BRF1: variants seen among roughly 807,000 people sequenced by gnomAD.
BRF1 encodes the protein BRF1 general transcription factor IIIB subunit.
In BRF1, 59 loss-of-function variants were observed where a neutral mutation model predicts 81.7. The ratio of observed to expected loss-of-function variants is 0.72; its 90% confidence interval spans 0.59 to 0.90. BRF1 has a LOEUF of 0.90. Ranked by LOEUF, BRF1 falls within the 40% of genes least tolerant of loss-of-function variation. The probability of loss-of-function intolerance (pLI) is 0.00; values close to 1 mark genes in which losing one functional copy is unlikely to be tolerated. For missense variants in BRF1, 1,050 were observed against 936.3 expected, an observed-to-expected ratio of 1.12 and a Z score of -1.58; for synonymous variants, 491 against 395.6, an observed-to-expected ratio of 1.24 and a Z score of -2.86.
intron 1 of BRF1, among the ~76,000 whole-genome samples, chr14:105,292,235 G>GT (rs587705463): frequency 9.8e-4 from 149 of 152,162 alleles, no homozygotes; most frequent in African/African-American, 3.4e-3. Context: ...CCAGGCTGGA[G>GT]TGTAATGGCA....
chr14:105,250,825 C>A, intron 5 of BRF1: 2 of 801,172 alleles, frequency 2.5e-6, no homozygotes, highest in South Asian at 3.7e-5. Context: ...ATTTTCCACA[C>A]AGCCAGAACC....
At chr14:105,277,861 TCTC>T (rs1365305942) in intron 2 of BRF1, among the ~76,000 whole-genome samples, 1 of 152,176 alleles carries the variant, frequency 6.6e-6, no homozygotes, top group African/African-American at 2.4e-5. Context: ...TTCAAGTGAT[TCTC>T]CTGCCTCAGC....
chr14:105,266,327 C>T (rs1449296082), intron 3 of BRF1, among the ~76,000 whole-genome samples: 2 of 152,122 alleles, frequency 1.3e-5, no homozygotes, highest in African/African-American at 2.4e-5. Context: ...GCGAGAGAGT[C>T]GCCTGAGCCA....
At chr14:105,272,928 T>C (rs374120383) in intron 2 of BRF1, 34 bp from the exon 3 acceptor site, 84 of 1,547,422 alleles carry the variant, frequency 5.4e-5, no homozygotes, top group Non-Finnish European at 7.2e-5. Context: ...CTTAGCCAAA[T>C]GTTCCCACAG....
intron 5 of BRF1, chr14:105,247,714 G>A: frequency 1.0e-6 from 1 of 985,504 alleles, no homozygotes; most frequent in Non-Finnish European, 1.2e-6. Context: ...TCTAAAGCCT[G>A]GCGGTCCAGG....
rs1415025435 is a variant in BRF1, at chr14:105,252,936, C to CA, written c.472-358dup. Among the ~76,000 whole-genome samples the CA allele has an allele frequency of 2.2e-4, 33 of 152,372 alleles. No individual in the cohort carries two copies. In the East Asian group the frequency reaches 5.6e-3, roughly 26 times the overall value. ...AACCAGTTCTGTCCACATGTGCTCCCACCAGCCACACCTCCAGCCCAGATT... is the reference window on the plus strand; with the variant it reads ...AACCAGTTCTGTCCACATGTGCTCCCAACCAGCCACACCTCCAGCCCAGATT... On this transcript the variant is annotated intron_variant, in intron 4 of 17. Coordinates refer to ENST00000547530, the MANE Select transcript of BRF1 (RefSeq NM_001519.4).
At chr14:105,296,798 G>A (rs2075735133) in intron 1 of BRF1, among the ~76,000 whole-genome samples, 2 of 151,780 alleles carry the variant, frequency 1.3e-5, no homozygotes, top group South Asian at 4.2e-4. Context: ...ATGAAGAGTT[G>A]AAAACTAAAT....
chr14:105,248,654 G>A (rs1313250722), intron 5 of BRF1: 7 of 980,798 alleles, frequency 7.1e-6, no homozygotes, highest in East Asian at 1.1e-4. Flanking sequence ...GGGTCGCAGG[G>A]GCGGGGGTGG....
At chr14:105,273,933 AG>A (rs2056767396) in intron 2 of BRF1, among the ~76,000 whole-genome samples, 1 of 152,186 alleles carries the variant, frequency 6.6e-6, no homozygotes, top group African/African-American at 2.4e-5. Flanking sequence ...TAAAAGAGGA[AG>A]GCCTCTTGCA....
chr14:105,250,922 T>G (rs2055570775), intron 5 of BRF1: 2 of 504,178 alleles, frequency 4.0e-6, no homozygotes, highest in South Asian at 2.9e-5. Flanking sequence ...AGGCCCCAGA[T>G]CCCCTCCCAG....
chr14:105,226,044 T>C (rs369505332), intron 10 of BRF1, 25 bp downstream of exon 10: 108 of 1,600,150 alleles, frequency 6.7e-5, no homozygotes, highest in Non-Finnish European at 8.9e-5. Context: ...AAGGTCTGAA[T>C]AGGGGCCGGG....
At chr14:105,297,611 T>C (rs2140552845) in intron 1 of BRF1, among the ~76,000 whole-genome samples, 1 of 152,114 alleles carries the variant, frequency 6.6e-6, no homozygotes. Flanking sequence ...TCTCCCTAAA[T>C]ATATCAAGAG....
At chr14:105,258,058 C>T (rs1280464601) in intron 3 of BRF1, among the ~76,000 whole-genome samples, 2 of 152,316 alleles carry the variant, frequency 1.3e-5, no homozygotes, top group Admixed American at 1.3e-4. Flanking sequence ...CTTGGCAAGA[C>T]GGGCTCATCA....
At chr14:105,256,329 C>CT in intron 4 of BRF1, 189 bp downstream of exon 4, 1 of 1,550,442 alleles carries the variant, frequency 6.4e-7, no homozygotes, top group Non-Finnish European at 8.7e-7. Context: ...TCCCACAAGT[C>CT]TCGGACTGTG....
At chr14:105,215,204 G>T (rs1272730157) in intron 15 of BRF1, among the ~76,000 whole-genome samples, 1 of 151,344 alleles carries the variant, frequency 6.6e-6, no homozygotes, top group Non-Finnish European at 1.5e-5. Context: ...ACAGTTGAGA[G>T]ACTTAAGACA....
chr14:105,215,535 GCACAGA>G (rs1476732242), intron 15 of BRF1, among the ~76,000 whole-genome samples: 1 of 150,446 alleles, frequency 6.6e-6, no homozygotes, highest in African/African-American at 2.5e-5. Context: ...CGCACTGCAT[GCACAGA>G]CACAGGCACA....
chr14:105,278,111 T>C (rs2056919516), intron 2 of BRF1, among the ~76,000 whole-genome samples: 1 of 152,152 alleles, frequency 6.6e-6, no homozygotes, highest in African/African-American at 2.4e-5. Context: ...TAGCTAGCCA[T>C]AGCCTGCGAG....
intron 6 of BRF1, among the ~76,000 whole-genome samples, chr14:105,229,614 T>A (rs866749961): frequency 2.0e-5 from 3 of 152,130 alleles, no homozygotes; most frequent in Non-Finnish European, 4.4e-5. Context: ...GTCACAGAGG[T>A]CCAACTAGAA....
intron 6 of BRF1, 131 bp from the exon 7 acceptor site, chr14:105,229,044 G>C: frequency 1.2e-6 from 1 of 805,442 alleles, no homozygotes; most frequent in Admixed American, 1.8e-5. Context: ...GTGCCAGGCA[G>C]TGAGACCCTC....
Sources: allele counts gnomAD v4.1 joint callset (sites outside exome capture counted in the v4.1 genomes callset), GRCh38; gene constraint gnomAD v4.1.1; transcripts MANE v1.5; gene names NCBI Gene and HGNC (gene_info 2026-07-23, HGNC 2026-07-21).